The following CCSAP variants were observed in gnomAD, a reference collection of about 807,000 sequenced individuals.
CCSAP encodes the protein centriole, cilia and spindle-associated protein.
Under a neutral mutation model 25.9 loss-of-function variants are expected in CCSAP, and 17 were observed. The ratio of observed to expected loss-of-function variants is 0.66; its 90% CI spans 0.45 to 0.99. The LOEUF is 0.99. CCSAP is among the 50% of genes least tolerant of loss of function. The pLI is 0.00. For synonymous variants in CCSAP, 169 were observed against 157.1 expected, an observed-to-expected ratio of 1.08 and a Z score of -0.57; for missense variants, 339 against 367.8, an observed-to-expected ratio of 0.92 and a Z score of 0.64.
Position 229,325,310 on chromosome 1 carries a change from GTTC to G in CCSAP, c.735_737del (p.Lys245del), listed in dbSNP as rs1366360378. 13 of 1,614,066 alleles carry G rather than the reference GTTC, an allele frequency of 8.1e-6. No individual in the cohort carries two copies. The highest frequency in any genetic ancestry group is 5.0e-5 in the Admixed American group (3 of 60,000). On this transcript the variant is annotated inframe_deletion, in exon 4 of 4. Coordinates refer to ENST00000284617, the MANE Select transcript of CCSAP (RefSeq NM_145257.5). Reference sequence around the variant, plus strand: ...CTGAGGAGGAAGCCTTCATCTTTCTGTTCTTCTCCACATCCACAGAGTGAGCTC... The same window carrying G: ...CTGAGGAGGAAGCCTTCATCTTTCTGTTCTCCACATCCACAGAGTGAGCTC...
At chr1:229,341,365 C>A (rs1355349188) in intron 2 of CCSAP, among the ~76,000 whole-genome samples, 3 of 152,202 alleles carry the variant, frequency 2.0e-5, no homozygotes, top group Admixed American at 2.0e-4. Flanking sequence ...CTGGAAGGAA[C>A]CATTGGTTAC....
intron 2 of CCSAP, among the ~76,000 whole-genome samples, chr1:229,337,871 G>C (rs1249708187): frequency 6.6e-6 from 1 of 150,954 alleles, no homozygotes; most frequent in Non-Finnish European, 1.5e-5. Flanking sequence ...ATAAGAAACT[G>C]TGATAGGCAG....
intron 2 of CCSAP, among the ~76,000 whole-genome samples, chr1:229,339,211 T>C (rs919065851): frequency 1.3e-5 from 2 of 151,526 alleles, no homozygotes; most frequent in African/African-American, 2.4e-5. Flanking sequence ...AAAACAGATC[T>C]AGATCAAGGA....
At chr1:229,327,549 C>G (rs911725059) in intron 2 of CCSAP, 13 of 456,206 alleles carry the variant, frequency 2.8e-5, no homozygotes, top group Non-Finnish European at 5.3e-5. Context: ...GGTGCGCAGC[C>G]AGGCATTCCC....
intron 3 of CCSAP, among the ~76,000 whole-genome samples, chr1:229,325,900 G>A (rs1657929161): frequency 6.6e-6 from 1 of 152,204 alleles, no homozygotes; most frequent in African/African-American, 2.4e-5. Flanking sequence ...ACTTCTTAGA[G>A]ATCTTTTGTT....
Position 229,342,291 on chromosome 1 carries a change from C to A in CCSAP, c.175G>T (p.Glu59Ter). Residue 59 changes from glutamate (E) to a stop codon, truncating the protein, a stop_gained, in exon 2 of 4, where the codon GAG (glutamate) becomes TAG (stop). Coordinates refer to ENST00000284617, the MANE Select transcript of CCSAP (RefSeq NM_145257.5). LOFTEE classifies it high-confidence loss of function. The surrounding 1 kb of genome is among the most constrained non-coding windows in gnomAD (Gnocchi z 7.5). Reference sequence around the variant, plus strand: ...GACGACTCTGACGACGCCGAGTCCTCCGAGGAGCCGGCCGGGCCCCAGTCG... The same window carrying A: ...GACGACTCTGACGACGCCGAGTCCTACGAGGAGCCGGCCGGGCCCCAGTCG... ...WDDWGPAGSS[E>*]DSASSESSGA... 1 of 1,405,314 alleles carries A rather than the reference C, an allele frequency of 7.1e-7. No individual in the cohort carries two copies. Among genetic ancestry groups the A allele is most frequent in the East Asian group, 2.9e-5 (1 of 34,074 alleles). 87.1% of individuals were successfully genotyped at this position (1,405,314 alleles called of 1,614,324 possible).
At chr1:229,341,964 G>C in intron 2 of CCSAP, 135 bp downstream of exon 2, 1 of 1,134,064 alleles carries the variant, frequency 8.8e-7, no homozygotes, top group Non-Finnish European at 1.1e-6. Context: ...CAAGAGAGAC[G>C]GATTCTGTCA....
chr1:229,338,454 A>G (rs894276457), intron 2 of CCSAP, among the ~76,000 whole-genome samples: 2 of 152,086 alleles, frequency 1.3e-5, no homozygotes, highest in African/African-American at 4.8e-5. Flanking sequence ...GGAATCGGAG[A>G]CAGTCTAGAC....
chr1:229,337,595 A>G (rs4411159), intron 2 of CCSAP, among the ~76,000 whole-genome samples: 100,666 of 142,544 alleles, frequency 0.71, 35,745 homozygotes, highest in Non-Finnish European at 0.72. Flanking sequence ...GAGGGAAATA[A>G]TAAAGAAAGC....
chr1:229,322,789 C>G lies in CCSAP; in HGVS notation c.*2446G>C, dbSNP rs569910459. 6.6e-6 allele frequency: 1 copy of G among 152,194 alleles called. No individual in the cohort carries two copies. The highest frequency in any genetic ancestry group is 1.5e-5 in the Non-Finnish European group (1 of 68,010). 9.4% of individuals were successfully genotyped at this position (152,194 alleles called of 1,614,324 possible). ...TTAATATTAAAAGCAGTAACAAAAT[C>G]AAAAAGCATATTTATGACATTGTTT... On this transcript the variant is annotated 3_prime_UTR_variant, in exon 4 of 4. Coordinates refer to ENST00000284617, the MANE Select transcript of CCSAP (RefSeq NM_145257.5).
At chr1:229,334,219 C>T (rs924847385) in intron 2 of CCSAP, among the ~76,000 whole-genome samples, 13 of 152,140 alleles carry the variant, frequency 8.5e-5, no homozygotes, top group East Asian at 1.9e-4. Context: ...TACAGGCGCA[C>T]GCCACCACAC....
intron 2 of CCSAP, among the ~76,000 whole-genome samples, chr1:229,334,331 C>CTA (rs1462319424): frequency 6.6e-6 from 1 of 152,074 alleles, no homozygotes; most frequent in African/African-American, 2.4e-5. Context: ...TACGTGGATA[C>CTA]TATACATAAA....
chr1:229,336,647 A>C (rs1031058994), intron 2 of CCSAP, among the ~76,000 whole-genome samples: 4 of 152,164 alleles, frequency 2.6e-5, no homozygotes, highest in Admixed American at 1.3e-4. Flanking sequence ...TCCAGGCCTT[A>C]CTCTTAAATA....
chr1:229,339,319 C>G (rs1028506149), intron 2 of CCSAP, among the ~76,000 whole-genome samples: 3 of 152,152 alleles, frequency 2.0e-5, no homozygotes, highest in Non-Finnish European at 4.4e-5. Flanking sequence ...CATAACGAGG[C>G]AGGCTGTAAC....
intron 2 of CCSAP, among the ~76,000 whole-genome samples, chr1:229,333,415 A>G (rs1371453609): frequency 2.1e-5 from 3 of 139,570 alleles, no homozygotes; most frequent in African/African-American, 7.9e-5. Flanking sequence ...CCTGGGCGAC[A>G]GAGCGAGACT....
In CCSAP at chr1:229,342,494, C is replaced by G; in HGVS notation, c.-29G>C. On this transcript the variant is annotated 5_prime_UTR_variant, in exon 2 of 4. Transcript: ENST00000284617. The surrounding 1 kb of genome is among the most constrained non-coding windows in gnomAD (Gnocchi z 7.5). ...GCCGTCCGCCGCCTCGAGCGCCAGC[C>G]GCTCCTCGCTGCCCGCAGCCTACGG... 1.5e-6 allele frequency: 2 copies of G among 1,315,400 alleles called. No individual in the cohort carries two copies. Among genetic ancestry groups the G allele is most frequent in the Non-Finnish European group, 1.9e-6 (2 of 1,026,918 alleles). 81.5% of individuals were successfully genotyped at this position (1,315,400 alleles called of 1,614,324 possible).
In CCSAP at chr1:229,325,217, G is replaced by C; in HGVS notation, c.*18C>G. On this transcript the variant is annotated 3_prime_UTR_variant, in exon 4 of 4. Transcript: ENST00000284617. ...TCATTTACACTTTTTAAAAGAGGCT[G>C]TCCACGCAAGTGTTTCTTTAAGCTC... is the stretch of plus-strand genomic sequence containing the variant. 6.4e-7 allele frequency: 1 copy of C among 1,572,544 alleles called. No homozygotes were observed. The highest frequency in any genetic ancestry group is 8.6e-7 in the Non-Finnish European group (1 of 1,164,170).
chr1:229,329,946 G>A (rs1349631564), intron 2 of CCSAP, among the ~76,000 whole-genome samples: 1 of 152,020 alleles, frequency 6.6e-6, no homozygotes, highest in East Asian at 1.9e-4. Flanking sequence ...AGCCGAGATT[G>A]CACCATTGCA....
At chr1:229,334,860 C>T (rs1281365792) in intron 2 of CCSAP, among the ~76,000 whole-genome samples, 1 of 152,102 alleles carries the variant, frequency 6.6e-6, no homozygotes, top group African/African-American at 2.4e-5. Flanking sequence ...GCCACAAGGA[C>T]AGAGAGCAAG....
Sources: gnomAD v4.1 joint callset for allele counts (sites outside exome capture counted in the v4.1 genomes callset) on GRCh38, gnomAD v4.1.1 for gene constraint, Gnocchi (gnomAD v3.1) non-coding constraint, MANE v1.5 for transcripts, NCBI Gene and HGNC (gene_info 2026-07-23, HGNC 2026-07-21) for gene names.